The following WWC1 variants were observed in gnomAD, a reference collection of about 807,000 sequenced individuals.
WWC1 encodes protein KIBRA.
A neutral mutation model predicts 138.4 loss-of-function variants in WWC1; 55 were observed. The ratio of observed to expected loss-of-function variants is 0.40; its 90% CI spans 0.32 to 0.50. The LOEUF (loss-of-function observed/expected upper bound fraction) is 0.50. Ranked by LOEUF, WWC1 falls within the 20% of genes least tolerant of loss-of-function variation. The pLI, the probability that WWC1 is intolerant of heterozygous loss-of-function variation, is 0.72. For missense variants in WWC1, 1,226 were observed against 1,420.4 expected, an observed-to-expected ratio of 0.86 and a Z score of 2.20; for synonymous variants, 524 against 564.9, an observed-to-expected ratio of 0.93 and a Z score of 1.03.
chr5:168,364,935 G>A (rs1216177247), intron 1 of WWC1, among the ~76,000 whole-genome samples: 2 of 152,196 alleles, frequency 1.3e-5, no homozygotes, highest in Admixed American at 6.5e-5. Flanking sequence ...TGGTGTTAAC[G>A]AAGGCTCTGC....
intron 17 of WWC1, 24 bp from the exon 18 acceptor site, chr5:168,453,944 A>G: frequency 6.2e-7 from 1 of 1,611,420 alleles, no homozygotes. Context: ...CTGGGTGGGT[A>G]ACCAAAGTGC....
intron 4 of WWC1, among the ~76,000 whole-genome samples, chr5:168,398,796 C>A (rs1264397806): frequency 1.3e-5 from 2 of 152,048 alleles, no homozygotes; most frequent in Non-Finnish European, 2.9e-5. Flanking sequence ...AGAGGTCTGC[C>A]CAGTCTTAAA....
chr5:168,410,469 A>T (rs1234707613), intron 8 of WWC1, among the ~76,000 whole-genome samples: 1 of 152,260 alleles, frequency 6.6e-6, no homozygotes, highest in Middle Eastern at 3.2e-3. Context: ...CAGAATCCTA[A>T]GCAATCAGGT....
At chr5:168,367,824 T>C (rs1012067770) in intron 1 of WWC1, among the ~76,000 whole-genome samples, 1 of 152,082 alleles carries the variant, frequency 6.6e-6, no homozygotes, top group Non-Finnish European at 1.5e-5. Flanking sequence ...ATTCAACATT[T>C]TAGTTATGAT....
At position 168,414,738 on chromosome 5, in the gene WWC1, T is replaced by C. The variant is rs538157878; in HGVS notation, c.1184+148T>C. The C allele has an allele frequency of 2.1e-5, 25 of 1,197,048 alleles. No individual in the cohort carries two copies. In the East Asian group the frequency reaches 2.1e-4, roughly 10 times the overall value. The allele number at this position is 1,197,048 out of a possible 1,614,324, so 74.2% of individuals were successfully genotyped here. ...TCAGAGATCTCTCAGGTTGCCGACATAGGAAATCAGGAAAGATGGTTTGCC... is the reference window on the plus strand; with the variant it reads ...TCAGAGATCTCTCAGGTTGCCGACACAGGAAATCAGGAAAGATGGTTTGCC... On this transcript the variant is annotated intron_variant, in intron 9 of 22. Transcript: ENST00000265293.
Position 168,355,508 on chromosome 5 carries a change from A to C in WWC1, c.120-15916A>C, listed in dbSNP as rs925411947. On this transcript the variant is annotated intron_variant, in intron 1 of 22. Transcript: ENST00000265293. ...AGACTCCGTCTCAAAAAAAAAAAAA[A>C]AAAAAAAAAAACAGCATTTCAACTG... Among the ~76,000 whole-genome samples, 446 of 151,742 alleles carry C rather than the reference A, an allele frequency of 2.9e-3. 9 individuals carry two copies. Among genetic ancestry groups the C allele is most frequent in the African/African-American group, 0.01 (423 of 41,400 alleles).
chr5:168,380,252 A>G (rs1777515359), intron 2 of WWC1, among the ~76,000 whole-genome samples: 1 of 152,094 alleles, frequency 6.6e-6, no homozygotes, highest in East Asian at 1.9e-4. Context: ...ACGACCAGCC[A>G]TAGCAAAACA....
At chr5:168,361,937 G>A (rs1196237481) in intron 1 of WWC1, among the ~76,000 whole-genome samples, 1 of 152,088 alleles carries the variant, frequency 6.6e-6, no homozygotes, top group Non-Finnish European at 1.5e-5. Context: ...GAAAAAATTA[G>A]CCGGGCATGG....
chr5:168,376,405 C>G (rs1303002066), intron 2 of WWC1, among the ~76,000 whole-genome samples: 2 of 152,068 alleles, frequency 1.3e-5, no homozygotes, highest in African/African-American at 4.8e-5. Context: ...CATTTTAACA[C>G]ATAATGGAGG....
At chr5:168,464,426 T>G (rs1275670128) in intron 20 of WWC1, among the ~76,000 whole-genome samples, 1 of 152,176 alleles carries the variant, frequency 6.6e-6, no homozygotes, top group Non-Finnish European at 1.5e-5. Context: ...ACACATATCC[T>G]GTGGGACTTA....
rs376627516 is a variant in WWC1 at position 168,380,508 on chromosome 5, G to GA, written c.230-4696dup. 1.5e-3 allele frequency among the ~76,000 whole-genome samples: 230 copies of GA among 152,008 alleles called. 1 individual carries two copies. The highest frequency in any genetic ancestry group is 5.1e-3 in the African/African-American group (212 of 41,460). On this transcript the variant is annotated intron_variant, in intron 2 of 22. Transcript: ENST00000265293. ...TACCCACTATAATGACTAAAATGAG[G>GA]AAAAAAATAACAATACCAACTGCTA...
chr5:168,326,325 C>A (rs1188820939), intron 1 of WWC1, among the ~76,000 whole-genome samples: 1 of 151,058 alleles, frequency 6.6e-6, no homozygotes, highest in Non-Finnish European at 1.5e-5. Flanking sequence ...TCAAGCGACT[C>A]TCCTGCCCCA....
At position 168,455,923 on chromosome 5, in the gene WWC1, G is replaced by A. The variant is rs146266574; in HGVS notation, c.2823+403G>A. On this transcript the variant is annotated intron_variant, in intron 19 of 22. Coordinates refer to ENST00000265293, the MANE Select transcript of WWC1 (RefSeq NM_015238.3). ...CAAAATTACAGCAGATCTGGTACCA[G>A]TTTGTTTTGTTTTTTTTAATTGAAC... Among the ~76,000 whole-genome samples, 14 of 152,172 alleles carry A rather than the reference G, an allele frequency of 9.2e-5. No homozygotes were observed. In the East Asian group the frequency reaches 1.9e-3, roughly 21 times the overall value.
chr5:168,335,570 T>G (rs1271758973), intron 1 of WWC1, among the ~76,000 whole-genome samples: 2 of 152,194 alleles, frequency 1.3e-5, no homozygotes, highest in Non-Finnish European at 2.9e-5. Context: ...ATTATGCTAA[T>G]TAAACAGAAG....
At chr5:168,384,964 T>C (rs1777928575) in intron 2 of WWC1, among the ~76,000 whole-genome samples, 1 of 152,158 alleles carries the variant, frequency 6.6e-6, no homozygotes, top group South Asian at 2.1e-4. Context: ...GTGATCCACC[T>C]GCCTCAGCCT....
chr5:168,450,167 T>G (rs1162097479), intron 17 of WWC1, among the ~76,000 whole-genome samples: 1 of 152,218 alleles, frequency 6.6e-6, no homozygotes, highest in Non-Finnish European at 1.5e-5. Flanking sequence ...CAGTTCTGTA[T>G]GTCTTTCAGA....
At chr5:168,433,843 C>T (rs1465238581) in intron 15 of WWC1, among the ~76,000 whole-genome samples, 1 of 152,214 alleles carries the variant, frequency 6.6e-6, no homozygotes, top group Non-Finnish European at 1.5e-5. Context: ...AGCCCATTAT[C>T]TCTATTGATC....
chr5:168,467,970 C>T lies in WWC1; in HGVS notation c.3275+6C>T. 6.2e-7 allele frequency: 1 copy of T among 1,614,022 alleles called. No homozygotes were observed. The highest frequency in any genetic ancestry group is 8.5e-7 in the Non-Finnish European group (1 of 1,179,888). ...CCAGAAGTTCAGTCTTTCAGGTAAG[C>T]AGAGGGCCCCGGCAGCCCCCCATCC... On this transcript the variant is annotated splice_donor_region_variant and intron_variant, in intron 22 of 22. Coordinates refer to ENST00000265293, the MANE Select transcript of WWC1 (RefSeq NM_015238.3).
intron 1 of WWC1, among the ~76,000 whole-genome samples, chr5:168,300,147 A>G (rs961407007): frequency 7.0e-6 from 1 of 143,790 alleles, no homozygotes; most frequent in Non-Finnish European, 1.5e-5. Context: ...TAGAACAGCA[A>G]AGGTTCAGTT....
Sources: allele counts gnomAD v4.1 joint callset (sites outside exome capture counted in the v4.1 genomes callset), GRCh38; gene constraint gnomAD v4.1.1; transcripts MANE v1.5; gene names NCBI Gene and HGNC (gene_info 2026-07-23, HGNC 2026-07-21).